SKP2: variants seen among roughly 807,000 people sequenced by gnomAD.
SKP2 encodes S-phase kinase associated protein 2.
A neutral mutation model predicts 51.8 loss-of-function variants in SKP2; 16 were observed. That is an observed-to-expected ratio of 0.31 (90% CI 0.21 to 0.47). The LOEUF (loss-of-function observed/expected upper bound fraction) is 0.47, where lower values mean the gene tolerates loss of function less well. SKP2 is among the 20% of genes least tolerant of loss of function. The pLI is 1.00. For synonymous variants in SKP2, 176 were observed against 198.6 expected (o/e 0.89, Z 0.96); for missense variants, 377 against 505.3 (o/e 0.75, Z 2.43).
intron 9 of SKP2, among the ~76,000 whole-genome samples, chr5:36,179,140 G>A (rs1745726294): frequency 6.6e-6 from 1 of 152,154 alleles, no homozygotes; most frequent in Non-Finnish European, 1.5e-5. Context: ...AAGGTAAAGA[G>A]TATATTTCTT....
At chr5:36,189,952 T>C (rs1745991010) in intron 6 of SKP2, among the ~76,000 whole-genome samples, 1 of 152,178 alleles carries the variant, frequency 6.6e-6, no homozygotes. Flanking sequence ...GCTGCTGCCT[T>C]GCAGTTCGAT....
chr5:36,176,946 GT>G lies in SKP2; in HGVS notation c.902-12del. 3.9e-6 allele frequency: 6 copies of G among 1,539,296 alleles called. No individual in the cohort carries two copies. The highest frequency in any genetic ancestry group is 4.5e-6 in the Non-Finnish European group (5 of 1,121,006). On this transcript the variant is annotated intron_variant, in intron 7 of 9. Transcript: ENST00000274255. The stretch of plus-strand genomic sequence containing the variant: ...TTCCTCATTTAATAGTGACCATCAT[GT>G]TTTTTTGCTTTTCCTAGATCTCTCT...
At position 36,170,369 on chromosome 5, in the gene SKP2, G is replaced by A. The variant is rs1353961251; in HGVS notation, c.697G>A (p.Val233Met). 6.2e-7 allele frequency: 1 copy of A among 1,612,238 alleles called. No individual in the cohort carries two copies. The highest frequency in any genetic ancestry group is 8.5e-7 in the Non-Finnish European group (1 of 1,178,968). Residue 233 changes from valine (V) to methionine (M), a missense_variant, in exon 6 of 10, where the codon GTG becomes ATG. By Grantham distance (21) the Val-to-Met change is conservative. Coordinates refer to ENST00000274255, the MANE Select transcript of SKP2 (RefSeq NM_005983.4). ...VNTLAKNSNL[V>M]RLNLSGCSGF... ...TACTCTCGCAAAAAACTCAAATTTAGTGCGACTTAACCTTTCTGGGTGTTC... is the reference window on the plus strand; with the variant it reads ...TACTCTCGCAAAAAACTCAAATTTAATGCGACTTAACCTTTCTGGGTGTTC...
At chr5:36,152,727 G>T in intron 1 of SKP2, 44 bp from the exon 2 acceptor site, 1 of 1,589,248 alleles carries the variant, frequency 6.3e-7, no homozygotes, top group Non-Finnish European at 8.6e-7. Context: ...ATTATTTATG[G>T]GTGTGTTTTC....
chr5:36,177,818 T>C (rs1000168343), intron 9 of SKP2, among the ~76,000 whole-genome samples: 84 of 152,102 alleles, frequency 5.5e-4, no homozygotes, highest in African/African-American at 2.0e-3. Flanking sequence ...CAGGGGCATG[T>C]TAAGGTCTAA....
chr5:36,177,376 TA>T (rs1561540375), intron 9 of SKP2, 84 bp downstream of exon 9: 2 of 850,260 alleles, frequency 2.4e-6, no homozygotes, highest in Admixed American at 3.5e-5. Flanking sequence ...TTTTTATTAA[TA>T]GACATATGAA....
Position 36,152,900 on chromosome 5 carries a change from C to G in SKP2, c.138C>G (p.Pro46=). Residue 46 remains proline, a synonymous_variant, in exon 2 of 10, where the codon CCC becomes CCG. Transcript: ENST00000274255. The part of the protein sequence containing the change: ...MGVSALEKEE[P]DSENIPQELL... ...TCTCCGCCCTGGAGAAAGAGGAGCC[C>G]GACAGTGAGAACATCCCCCAGGAAC... The G allele has an allele frequency of 6.2e-7, 1 of 1,614,022 alleles. No homozygotes were observed. The highest frequency in any genetic ancestry group is 1.3e-5 in the African/African-American group (1 of 74,962).
At chr5:36,168,512 T>A in intron 5 of SKP2, 65 bp downstream of exon 5, 1 of 1,482,952 alleles carries the variant, frequency 6.7e-7, no homozygotes, top group Non-Finnish European at 9.4e-7. Flanking sequence ...TTTCCCTGTA[T>A]ATAACTGGGG....
intron 4 of SKP2, 57 bp downstream of exon 4, chr5:36,166,719 T>A: frequency 1.1e-4 from 117 of 1,088,050 alleles, no homozygotes; most frequent in Non-Finnish European, 1.4e-4. Flanking sequence ...TAGAAACAGA[T>A]CAAAGCTTTT....
In SKP2 at chr5:36,181,999, C is replaced by A; in HGVS notation, c.1243C>A (p.Arg415=). ...KNQEIWGIKC[R]LTLQKPSCL ...CCAGGAGATATGGGGCATCAAATGC[C>A]GACTGACACTGCAAAAGCCCAGTTG... Residue 415 remains arginine, a synonymous_variant, in exon 10 of 10, where the codon CGA becomes AGA. Transcript: ENST00000274255. 2 of 1,614,070 alleles carry A rather than the reference C, an allele frequency of 1.2e-6. No individual in the cohort carries two copies. Among genetic ancestry groups the A allele is most frequent in the Non-Finnish European group, 1.7e-6 (2 of 1,179,976 alleles).
At chr5:36,181,421 G>A (rs1745806763) in intron 9 of SKP2, among the ~76,000 whole-genome samples, 1 of 152,154 alleles carries the variant, frequency 6.6e-6, no homozygotes, top group Non-Finnish European at 1.5e-5. Flanking sequence ...AACCTGTGGT[G>A]GTTCCAACTG....
At position 36,177,342 on chromosome 5, in the gene SKP2, G is replaced by A. The variant is rs182333847; in HGVS notation, c.1061+50G>A. 445 of 1,094,566 alleles carry A rather than the reference G, an allele frequency of 4.1e-4. 3 individuals carry two copies. The East Asian group carries it at 9.9e-3, about 24-fold the overall frequency. 67.8% of individuals were successfully genotyped at this position (1,094,566 alleles called of 1,614,324 possible). A position where few individuals can be genotyped will look rare whatever the true frequency, so the allele number is the denominator to read the frequency against. ...TTAATAGAAGGCAGGAAACAACAGA[G>A]ATGCCCCTTGGTGTGAAAATCCATT... On this transcript the variant is annotated intron_variant, in intron 9 of 9. Coordinates refer to ENST00000274255, the MANE Select transcript of SKP2 (RefSeq NM_005983.4).
At chr5:36,173,950 T>C (rs1021969968) in intron 7 of SKP2, among the ~76,000 whole-genome samples, 1 of 152,080 alleles carries the variant, frequency 6.6e-6, no homozygotes, top group Non-Finnish European at 1.5e-5. Flanking sequence ...TGTTCCTTAG[T>C]TTTCTCAGCA....
At position 36,182,260 on chromosome 5, in the gene SKP2, G is replaced by A. The variant is rs1745835449; in HGVS notation, c.*229G>A. On this transcript the variant is annotated 3_prime_UTR_variant, in exon 10 of 10. Transcript: ENST00000274255. ...TAAGAGCCAAAGTTGTAGGCCTTTT[G>A]AAATTTTAGGAGAGTGAGCCTATAA... 2 of 1,289,004 alleles carry A rather than the reference G, an allele frequency of 1.6e-6. No homozygotes were observed. Among genetic ancestry groups the A allele is most frequent in the South Asian group, 2.4e-5 (1 of 42,278 alleles). 79.8% of individuals were successfully genotyped at this position (1,289,004 alleles called of 1,614,324 possible). A position where few individuals can be genotyped will look rare whatever the true frequency, so the allele number is the denominator to read the frequency against.
At chr5:36,164,970 G>A (rs902576215) in intron 3 of SKP2, among the ~76,000 whole-genome samples, 4 of 152,008 alleles carry the variant, frequency 2.6e-5, no homozygotes, top group East Asian at 1.9e-4. Context: ...CAGTATTATC[G>A]ACTCTAGTTC....
chr5:36,193,109 G>A (rs1040694187), intron 7 of SKP2: 1 of 151,794 alleles, frequency 6.6e-6, no homozygotes, highest in Non-Finnish European at 1.5e-5. Flanking sequence ...CTATTAATAT[G>A]TTACATATTA....
chr5:36,184,230 C>T lies in SKP2; in HGVS notation c.*2199C>T. ...ACATTAAAAAAAAAAGTTTATAATG[C>T]CTTTATAAAAGGGGCTAATACAGTC... On this transcript the variant is annotated 3_prime_UTR_variant, in exon 10 of 10. Transcript: ENST00000274255. 1 of 324,276 alleles carries T rather than the reference C, an allele frequency of 3.1e-6. No individual in the cohort carries two copies. The highest frequency in any genetic ancestry group is 5.6e-6 in the Non-Finnish European group (1 of 180,082). 20.1% of individuals were successfully genotyped at this position (324,276 alleles called of 1,614,324 possible). A position where few individuals can be genotyped will look rare whatever the true frequency, so the allele number is the denominator to read the frequency against.
intron 2 of SKP2, among the ~76,000 whole-genome samples, chr5:36,159,204 A>T (rs573308970): frequency 3.3e-4 from 51 of 152,282 alleles, no homozygotes; most frequent in African/African-American, 1.2e-3. Flanking sequence ...AAGTTGCAAC[A>T]CAAAGTCCTC....
intron 1 of SKP2, 136 bp downstream of exon 1, chr5:36,152,406 A>G (rs1275369655): frequency 3.4e-6 from 3 of 884,768 alleles, no homozygotes; most frequent in Admixed American, 2.0e-5. Context: ...TCTTGGGGAA[A>G]GTGTGAATGG....
Sources: allele counts gnomAD v4.1 joint callset (sites outside exome capture counted in the v4.1 genomes callset), GRCh38; gene constraint gnomAD v4.1.1; transcripts MANE v1.5; gene names NCBI Gene and HGNC (gene_info 2026-07-23, HGNC 2026-07-21).